Variants in CYGB observed in about 807,000 individuals in gnomAD.
The protein encoded by CYGB is histoglobin.
Under a neutral mutation model 20.7 loss-of-function variants are expected in CYGB, and 13 were observed. That is an observed-to-expected ratio of 0.63 (90% confidence interval 0.41 to 1.00). The LOEUF (loss-of-function observed/expected upper bound fraction) is 1.00, where lower values mean the gene tolerates loss of function less well. CYGB is among the 50% of genes least tolerant of loss of function. The pLI, the probability that CYGB is intolerant of heterozygous loss-of-function variation, is 0.00. For synonymous variants in CYGB, 93 were observed against 107.4 expected, an observed-to-expected ratio of 0.87 and a Z score of 0.83; for missense variants, 218 against 257.2, an observed-to-expected ratio of 0.85 and a Z score of 1.04.
chr17:76,536,757 T>G (rs879398496), intron 1 of CYGB, among the ~76,000 whole-genome samples: 22 of 152,216 alleles, frequency 1.4e-4, no homozygotes, highest in Non-Finnish European at 2.9e-4. Flanking sequence ...CTTCTTCCCC[T>G]CACCCTCCAA....
upstream of CYGB, chr17:76,538,431 G>T (rs1182146373): frequency 2.2e-6 from 1 of 456,878 alleles, no homozygotes; most frequent in East Asian, 7.7e-5. Flanking sequence ...CTTCCGCCCA[G>T]CACCTCCATG....
At chr17:76,540,453 T>C (rs1272254918), upstream of CYGB, 5 of 1,591,082 alleles carry the variant, frequency 3.1e-6, no homozygotes, top group Non-Finnish European at 4.3e-6. This position sits in a 1 kb window ranked among gnomAD's most constrained non-coding sequence, Gnocchi z 5.0. Flanking sequence ...GGAGGGACAG[T>C]GAGGGGCTGG....
At chr17:76,545,521 C>G (rs1164934954) in intron 1 of CYGB, 1 of 381,610 alleles carries the variant, frequency 2.6e-6, no homozygotes, top group Non-Finnish European at 5.3e-6. Context: ...GGGGTCCCTT[C>G]TGGTCTAGGG....
upstream of CYGB, chr17:76,538,416 C>G (rs531908667): frequency 2.3e-6 from 1 of 439,168 alleles, no homozygotes; most frequent in African/African-American, 2.1e-5. Flanking sequence ...CCTGCGCCCC[C>G]TCTCCTTCCG....
chr17:76,527,545 G>A lies in CYGB; in HGVS notation c.*1033C>T, dbSNP rs772897919. 28 of 443,334 alleles carry A rather than the reference G, an allele frequency of 6.3e-5. No homozygotes were observed. Among genetic ancestry groups the A allele is most frequent in the Non-Finnish European group, 9.2e-5 (20 of 217,972 alleles). The allele number at this position is 443,334 out of a possible 1,614,324, so 27.5% of individuals were successfully genotyped here. A position where few individuals can be genotyped will look rare whatever the true frequency, so the allele number is the denominator to read the frequency against. On this transcript the variant is annotated 3_prime_UTR_variant, in exon 4 of 4. Transcript: ENST00000293230. ...TGAAGACGACACACGTGACCAAGGG[G>A]CACACACGGGGGGCCCCCCTGGCAA...
chr17:76,534,169 TC>T (rs1385885657), intron 1 of CYGB, among the ~76,000 whole-genome samples: 52 of 150,062 alleles, frequency 3.5e-4, no homozygotes, highest in African/African-American at 1.2e-3. Flanking sequence ...TCTCTCTCTC[TC>T]TCTCTCTTTC....
chr17:76,529,027 C>T, intron 3 of CYGB: 1 of 938,034 alleles, frequency 1.1e-6, no homozygotes, highest in African/African-American at 1.8e-5. Context: ...ACACACAGCG[C>T]CCCCTGCAGT....
intron 1 of CYGB, among the ~76,000 whole-genome samples, chr17:76,549,512 C>T (rs2075087192): frequency 6.6e-6 from 1 of 152,196 alleles, no homozygotes; most frequent in Non-Finnish European, 1.5e-5. Context: ...CCCTGTCATA[C>T]ACGGCTGGGG....
upstream of CYGB, chr17:76,540,091 G>A (rs1344720387): frequency 1.9e-5 from 29 of 1,561,048 alleles, no homozygotes; most frequent in Admixed American, 3.8e-5. This position sits in a 1 kb window ranked among gnomAD's most constrained non-coding sequence, Gnocchi z 5.0. Context: ...TTGGCCCCTC[G>A]CCTGTGGCCT....
intron 1 of CYGB, chr17:76,542,724 G>A: frequency 1.2e-6 from 1 of 816,196 alleles, no homozygotes; most frequent in South Asian, 1.4e-5. Flanking sequence ...TGGGAGGATA[G>A]CAGGCAGTGT....
intron 1 of CYGB, 147 bp downstream of exon 1, chr17:76,537,253 C>T: frequency 1.1e-6 from 1 of 906,520 alleles, no homozygotes; most frequent in Non-Finnish European, 1.5e-6. Context: ...CAAGGCGCCC[C>T]ACGCCGCCTG....
chr17:76,544,370 G>A (rs1334211812), intron 1 of CYGB: 1 of 454,788 alleles, frequency 2.2e-6, no homozygotes, highest in Admixed American at 2.3e-5. Flanking sequence ...GAAGGGAAAG[G>A]GTGAGGGATG....
Position 76,528,421 on chromosome 17 carries a change from G to C in CYGB, c.*157C>G, listed in dbSNP as rs985678787. On this transcript the variant is annotated 3_prime_UTR_variant, in exon 4 of 4. Transcript: ENST00000293230. This position sits in a 1 kb window ranked among gnomAD's most constrained non-coding sequence, Gnocchi z 5.8. ...CAGCGCCGCCTCCCAGCAGCTCCAGGGGGGGACCCTGGCCGCCACAGAGGC... is the reference window on the plus strand; with the variant it reads ...CAGCGCCGCCTCCCAGCAGCTCCAGCGGGGGACCCTGGCCGCCACAGAGGC... The C allele has an allele frequency of 2.1e-5, 14 of 657,646 alleles. No homozygotes were observed. Among genetic ancestry groups the C allele is most frequent in the African/African-American group, 1.7e-4 (9 of 53,386 alleles). 40.7% of individuals were successfully genotyped at this position (657,646 alleles called of 1,614,324 possible). A position where few individuals can be genotyped will look rare whatever the true frequency, so the allele number is the denominator to read the frequency against.
chr17:76,540,351 G>C, upstream of CYGB: 1 of 1,282,990 alleles, frequency 7.8e-7, no homozygotes, highest in South Asian at 1.2e-5. The surrounding 1 kb of genome is among the most constrained non-coding windows in gnomAD (Gnocchi z 5.0). Context: ...AGGAACCCTT[G>C]AGAGAGCACA....
rs75351718 is a variant in CYGB at position 76,529,938 on chromosome 17, C to T, written c.539+1041G>A. The T allele has an allele frequency of 9.6e-3, 9,503 of 985,268 alleles. 120 individuals carry two copies. Among genetic ancestry groups the T allele is most frequent in the South Asian group, 0.084 (1,778 of 21,274 alleles). 61.0% of individuals were successfully genotyped at this position (985,268 alleles called of 1,614,324 possible). A position where few individuals can be genotyped will look rare whatever the true frequency, so the allele number is the denominator to read the frequency against. ...GGGGGGAGGGGAGCAGGAGCCAGCC[C>T]GGGGCCAGTGTGGTCAGCAGCAGGA... On this transcript the variant is annotated intron_variant, in intron 3 of 3. Transcript: ENST00000293230.
upstream of CYGB, among the ~76,000 whole-genome samples, chr17:76,541,053 G>C (rs2074986845): frequency 6.6e-6 from 1 of 152,202 alleles, no homozygotes; most frequent in Non-Finnish European, 1.5e-5. Context: ...GCCATTGGCT[G>C]GGCAGACCCT....
intron 1 of CYGB, chr17:76,543,334 C>T (rs1054286792): frequency 7.3e-5 from 25 of 341,788 alleles, no homozygotes; most frequent in African/African-American, 5.4e-4. Flanking sequence ...CTGGGTCCAC[C>T]AGGCTAATTC....
intron 1 of CYGB, among the ~76,000 whole-genome samples, chr17:76,532,254 G>A (rs747128240): frequency 9.9e-5 from 15 of 152,208 alleles, no homozygotes; most frequent in Middle Eastern, 3.4e-3. Flanking sequence ...CACTATACTC[G>A]CATCATCCCT....
Position 76,531,211 on chromosome 17 carries a change from C to G in CYGB, c.376-69G>C. The G allele has an allele frequency of 6.6e-7, 1 of 1,506,860 alleles. No individual in the cohort carries two copies. The highest frequency in any genetic ancestry group is 9.1e-7 in the Non-Finnish European group (1 of 1,102,712). 93.3% of individuals were successfully genotyped at this position (1,506,860 alleles called of 1,614,324 possible). A position where few individuals can be genotyped will look rare whatever the true frequency, so the allele number is the denominator to read the frequency against. ...TGCGTCCTGCAACCCCCAGGCCCCT[C>G]CGCCCCACGTGTGGCCGAGAGGATC... On this transcript the variant is annotated intron_variant, in intron 2 of 3. Coordinates refer to ENST00000293230, the MANE Select transcript of CYGB (RefSeq NM_134268.5). The surrounding 1 kb of genome is among the most constrained non-coding windows in gnomAD (Gnocchi z 7.4).
Sources: allele counts gnomAD v4.1 joint callset (sites outside exome capture counted in the v4.1 genomes callset), GRCh38; gene constraint gnomAD v4.1.1; non-coding constraint Gnocchi (gnomAD v3.1); transcripts MANE v1.5; gene names NCBI Gene and HGNC (gene_info 2026-07-23, HGNC 2026-07-21).